TLE4: variants seen among roughly 807,000 people sequenced by gnomAD.
TLE4 encodes the protein TLE family member 4, transcriptional corepressor, also known as transducin-like enhancer protein 4.
A neutral mutation model predicts 92.8 loss-of-function variants in TLE4; 8 were observed. The ratio of observed to expected loss-of-function variants is 0.09; its 90% confidence interval spans 0.05 to 0.16. TLE4 has a LOEUF of 0.16. Among genes scored for constraint, TLE4 ranks in the 10% least tolerant of loss-of-function variants. The pLI is 1.00. For synonymous variants in TLE4, 371 were observed against 374.1 expected, an observed-to-expected ratio of 0.99 and a Z score of 0.10; for missense variants, 675 against 997.6, an observed-to-expected ratio of 0.68 and a Z score of 4.36.
At chr9:79,598,504 T>C (rs1232325169) in intron 4 of TLE4, among the ~76,000 whole-genome samples, 2 of 152,198 alleles carry the variant, frequency 1.3e-5, no homozygotes, top group African/African-American at 2.4e-5. Flanking sequence ...AGACTCATTT[T>C]ACCCTCAGTT....
intron 4 of TLE4, among the ~76,000 whole-genome samples, chr9:79,578,958 G>T (rs768389645): frequency 2.7e-5 from 4 of 150,378 alleles, no homozygotes; most frequent in Non-Finnish European, 5.9e-5. Flanking sequence ...AAAAAAAAAG[G>T]ATGAAGTATT....
intron 14 of TLE4, chr9:79,717,963 TGGG>T (rs2074885323): frequency 2.2e-6 from 1 of 456,428 alleles, no homozygotes; most frequent in South Asian, 1.5e-5. Context: ...ATGAGTCTGT[TGGG>T]GGAGACGCTC....
chr9:79,674,465 T>C (rs538818006), intron 8 of TLE4, among the ~76,000 whole-genome samples: 43 of 152,296 alleles, frequency 2.8e-4, no homozygotes, highest in Admixed American at 8.5e-4. Context: ...GGATGTACCT[T>C]ACTTGATGTA....
intron 4 of TLE4, among the ~76,000 whole-genome samples, chr9:79,597,203 C>A (rs2044256894): frequency 6.6e-6 from 1 of 152,138 alleles, no homozygotes; most frequent in African/African-American, 2.4e-5. Flanking sequence ...CCATCACTGA[C>A]CATCAGACCT....
At chr9:79,663,509 ACT>A (rs1365835365) in intron 8 of TLE4, 12 of 152,176 alleles carry the variant, frequency 7.9e-5, no homozygotes, top group African/African-American at 2.9e-4. Flanking sequence ...TCTCTGACAG[ACT>A]CTGATGAGGC....
intron 8 of TLE4, among the ~76,000 whole-genome samples, chr9:79,689,444 A>G (rs2066587884): frequency 1.3e-5 from 2 of 152,274 alleles, no homozygotes; most frequent in Admixed American, 6.5e-5. Flanking sequence ...AGTTTGCTTA[A>G]TACCTGAGGA....
chr9:79,697,144 C>T (rs1021904699), intron 8 of TLE4, among the ~76,000 whole-genome samples: 4 of 152,022 alleles, frequency 2.6e-5, no homozygotes, highest in African/African-American at 4.8e-5. Flanking sequence ...TTAAGGAGAG[C>T]GAGAATTCTT....
rs567521583 is a variant in TLE4, at chr9:79,708,637, A to T, written c.1114A>T (p.Thr372Ser). 1.2e-6 allele frequency: 2 copies of T among 1,613,890 alleles called. No individual in the cohort carries two copies. Among genetic ancestry groups the T allele is most frequent in the Non-Finnish European group, 1.7e-6 (2 of 1,179,992 alleles). ...AATGGCAGTACCTTGTCCATATCCA[A>T]CTCCATTTGGGATTGTGCCCCATGC... ...TPMAVPCPYP[T>S]PFGIVPHAGM... The change falls in exon 13 of 20, where the codon ACT becomes TCT. Residue 372 changes from threonine (T) to serine (S), a missense_variant. By Grantham distance (58) the Thr-to-Ser change is moderately conservative (BLOSUM62 1). Coordinates refer to ENST00000376552, the MANE Select transcript of TLE4 (RefSeq NM_007005.6).
chr9:79,582,697 A>G (rs954760718), intron 4 of TLE4, among the ~76,000 whole-genome samples: 1 of 135,878 alleles, frequency 7.4e-6, no homozygotes, highest in Admixed American at 8.0e-5. Flanking sequence ...CCACTTCTGG[A>G]CAGCAATAAT....
chr9:79,610,259 A>G (rs886732785), intron 4 of TLE4, among the ~76,000 whole-genome samples: 10 of 152,076 alleles, frequency 6.6e-5, no homozygotes, highest in African/African-American at 2.2e-4. Flanking sequence ...GCAATAACCT[A>G]CATCCTTTAA....
chr9:79,714,784 A>G (rs1297052741), intron 14 of TLE4, among the ~76,000 whole-genome samples: 1 of 152,236 alleles, frequency 6.6e-6, no homozygotes, highest in African/African-American at 2.4e-5. Context: ...GTCAGAGTAT[A>G]TGGATGGGAG....
At chr9:79,690,918 G>A (rs191153247) in intron 8 of TLE4, among the ~76,000 whole-genome samples, 9 of 151,450 alleles carry the variant, frequency 5.9e-5, no homozygotes, top group African/African-American at 1.7e-4. Context: ...TTACAGGCAT[G>A]AGCCACCATG....
At chr9:79,583,079 C>T (rs2040126215) in intron 4 of TLE4, among the ~76,000 whole-genome samples, 1 of 152,120 alleles carries the variant, frequency 6.6e-6, no homozygotes, top group Non-Finnish European at 1.5e-5. Context: ...TAATAGCTCT[C>T]AGTGGTAGTT....
chr9:79,655,883 C>G (rs570512219), intron 8 of TLE4, among the ~76,000 whole-genome samples: 1 of 152,278 alleles, frequency 6.6e-6, no homozygotes, highest in Admixed American at 6.5e-5. Flanking sequence ...AATATTTATA[C>G]TTCAGTGTAC....
At chr9:79,712,654 G>C (rs1189223305) in intron 14 of TLE4, among the ~76,000 whole-genome samples, 2 of 152,266 alleles carry the variant, frequency 1.3e-5, no homozygotes, top group East Asian at 3.8e-4. Context: ...TAATAAAATG[G>C]TGTTTATTGT....
At chr9:79,651,558 G>A (rs995054193) in intron 6 of TLE4, among the ~76,000 whole-genome samples, 2 of 152,186 alleles carry the variant, frequency 1.3e-5, no homozygotes, top group Non-Finnish European at 2.9e-5. Context: ...AGAGTCGGCC[G>A]CTAGAGAAGA....
chr9:79,611,475 T>C (rs571269582), intron 4 of TLE4, among the ~76,000 whole-genome samples: 1 of 152,188 alleles, frequency 6.6e-6, no homozygotes, highest in East Asian at 1.9e-4. Flanking sequence ...GGGTTGCTGA[T>C]GAAAGAAGGA....
intron 4 of TLE4, among the ~76,000 whole-genome samples, chr9:79,583,477 A>G (rs2040241806): frequency 6.6e-6 from 1 of 152,128 alleles, no homozygotes; most frequent in Admixed American, 6.6e-5. Context: ...TCCCGGTGCG[A>G]GACAATACTC....
At chr9:79,669,785 G>T (rs952224164) in intron 8 of TLE4, among the ~76,000 whole-genome samples, 1 of 152,162 alleles carries the variant, frequency 6.6e-6, no homozygotes, top group African/African-American at 2.4e-5. Context: ...GTTAAAAGTG[G>T]GAATGGCCCA....
Sources: allele counts gnomAD v4.1 joint callset (sites outside exome capture counted in the v4.1 genomes callset), GRCh38; gene constraint gnomAD v4.1.1; transcripts MANE v1.5; gene names NCBI Gene and HGNC (gene_info 2026-07-23, HGNC 2026-07-21).